Variants in ADCY3 observed in about 807,000 individuals in gnomAD.
ADCY3 encodes the protein adenylate cyclase 3, also known as adenylate cyclase type 3.
In ADCY3, 70 loss-of-function variants were observed where a neutral mutation model predicts 119.4. The ratio of observed to expected loss-of-function variants is 0.59; its 90% CI spans 0.48 to 0.72. ADCY3 has a LOEUF of 0.72. Ranked by LOEUF, ADCY3 falls within the 30% of genes least tolerant of loss-of-function variation. ADCY3 has a pLI of 0.00. For missense variants in ADCY3, 1,238 were observed against 1,541.6 expected, an observed-to-expected ratio of 0.80 and a Z score of 3.30; for synonymous variants, 672 against 621.4, an observed-to-expected ratio of 1.08 and a Z score of -1.21.
At chr2:24,881,502 C>T (rs1313068243) in intron 2 of ADCY3, among the ~76,000 whole-genome samples, 1 of 152,142 alleles carries the variant, frequency 6.6e-6, no homozygotes, top group Non-Finnish European at 1.5e-5. Flanking sequence ...CAAAGGAGAC[C>T]CCCCTACAGC....
At position 24,824,457 on chromosome 2, in the gene ADCY3, C is replaced by T. The variant is rs1402941862; in HGVS notation, c.2657G>A (p.Arg886His). 8 of 1,614,246 alleles carry T rather than the reference C, an allele frequency of 5.0e-6. No homozygotes were observed. The highest frequency in any genetic ancestry group is 5.9e-6 in the Non-Finnish European group (7 of 1,180,042). The change falls in exon 17 of 22, where the codon CGC (arginine) becomes CAC (histidine). Residue 886 changes from arginine (R) to histidine (H), a missense_variant. Physicochemically the swap from Arg to His is conservative, Grantham distance 29. Around this residue, in one of 7 missense-constraint regions of ADCY3, gnomAD observed 499 missense variants for 571.0 expected, o/e 0.87. Transcript: ENST00000679454. ...GTTGGTGACCAAGGCCTCGTTCCAG[C>T]GTCGCATCTCATAGACACGTTCCTT... ...DQKERVYEMR[R>H]WNEALVTNML... is the part of the protein sequence containing the mutation.
intron 3 of ADCY3, among the ~76,000 whole-genome samples, chr2:24,852,249 T>C (rs1376209926): frequency 6.6e-6 from 1 of 152,110 alleles, no homozygotes; most frequent in Admixed American, 6.5e-5. Flanking sequence ...AGCACCCCGG[T>C]CCGCTCCTCC....
chr2:24,821,047 A>ACCC (rs3214642), intron 20 of ADCY3, 199 bp from the exon 21 acceptor site: 13 of 533,478 alleles, frequency 2.4e-5, no homozygotes, highest in Middle Eastern at 5.2e-4. Flanking sequence ...GTCAGCCGCC[A>ACCC]CCCCCCCCCC....
chr2:24,887,935 G>A (rs944929299), intron 2 of ADCY3, among the ~76,000 whole-genome samples: 1 of 152,110 alleles, frequency 6.6e-6, no homozygotes, highest in African/African-American at 2.4e-5. Flanking sequence ...AATTCCCAAG[G>A]TTACTCCTGA....
intron 3 of ADCY3, among the ~76,000 whole-genome samples, chr2:24,844,987 A>G (rs770501315): frequency 6.6e-6 from 1 of 152,172 alleles, no homozygotes; most frequent in African/African-American, 2.4e-5. Context: ...TGGGTTTATC[A>G]GGAGTTTCTG....
At chr2:24,859,121 T>C (rs984303474) in intron 3 of ADCY3, among the ~76,000 whole-genome samples, 2 of 152,150 alleles carry the variant, frequency 1.3e-5, no homozygotes, top group Admixed American at 1.3e-4. Context: ...TTAGATATCT[T>C]TGTGGGTGGT....
chr2:24,904,031 C>A (rs1458416487), intron 2 of ADCY3, among the ~76,000 whole-genome samples: 1 of 152,126 alleles, frequency 6.6e-6, no homozygotes, highest in Non-Finnish European at 1.5e-5. Context: ...ATGTCTCCCA[C>A]CCACAACCAA....
At chr2:24,851,538 A>G (rs1357248721) in intron 3 of ADCY3, among the ~76,000 whole-genome samples, 1 of 152,206 alleles carries the variant, frequency 6.6e-6, no homozygotes, top group Non-Finnish European at 1.5e-5. Context: ...GTAGACCCTG[A>G]ACCCAGGGCT....
chr2:24,836,736 C>G (rs1008760753), intron 9 of ADCY3, among the ~76,000 whole-genome samples, 181 bp downstream of exon 9: 1 of 152,164 alleles, frequency 6.6e-6, no homozygotes, highest in South Asian at 2.1e-4. Flanking sequence ...GATGAGGAGA[C>G]AGTGGGGTTT....
chr2:24,821,483 C>A, intron 20 of ADCY3, 34 bp downstream of exon 20: 2 of 1,609,728 alleles, frequency 1.2e-6, no homozygotes, highest in Non-Finnish European at 1.7e-6. Context: ...GGGAAGGGAG[C>A]CTGCTGCGGG....
intron 3 of ADCY3, among the ~76,000 whole-genome samples, chr2:24,865,066 G>C (rs1477149942): frequency 6.6e-6 from 1 of 152,186 alleles, no homozygotes; most frequent in African/African-American, 2.4e-5. Flanking sequence ...TCTATGGAGA[G>C]CGCAACAAAA....
At chr2:24,820,668 C>T (rs1250086009) in intron 21 of ADCY3, 56 bp downstream of exon 21, 3 of 1,607,340 alleles carry the variant, frequency 1.9e-6, no homozygotes, top group African/African-American at 1.3e-5. Context: ...AAGCACTGTT[C>T]CGGTTTTGTT....
At chr2:24,916,692 G>A (rs945463738) in intron 2 of ADCY3, among the ~76,000 whole-genome samples, 6 of 151,768 alleles carry the variant, frequency 4.0e-5, no homozygotes, top group African/African-American at 1.5e-4. Flanking sequence ...AAAAAAAAAA[G>A]AACCTGGGAC....
At chr2:24,844,597 G>A (rs1329657418) in intron 3 of ADCY3, among the ~76,000 whole-genome samples, 1 of 152,152 alleles carries the variant, frequency 6.6e-6, no homozygotes, top group Non-Finnish European at 1.5e-5. Context: ...GAGCTGCCAA[G>A]AGGTCCCCAG....
intron 2 of ADCY3, among the ~76,000 whole-genome samples, chr2:24,904,663 T>C (rs958694637): frequency 6.6e-6 from 1 of 152,082 alleles, no homozygotes; most frequent in African/African-American, 2.4e-5. Context: ...TCTCTTTTTT[T>C]AAGACAGCAT....
chr2:24,905,360 C>T (rs1338679316), intron 2 of ADCY3, among the ~76,000 whole-genome samples: 4 of 152,028 alleles, frequency 2.6e-5, no homozygotes, highest in South Asian at 2.1e-4. Flanking sequence ...GGTCTTGATC[C>T]CCTGACCTCA....
At chr2:24,870,478 G>T (rs533313271) in intron 3 of ADCY3, among the ~76,000 whole-genome samples, 1 of 152,096 alleles carries the variant, frequency 6.6e-6, no homozygotes, top group Non-Finnish European at 1.5e-5. Flanking sequence ...TCTAGGCTCC[G>T]GCTGTGTGCC....
At chr2:24,828,186 G>A in intron 13 of ADCY3, 25 bp from the exon 14 acceptor site, 1 of 1,610,128 alleles carries the variant, frequency 6.2e-7, no homozygotes, top group Non-Finnish European at 8.5e-7. Flanking sequence ...GGCGGGCAGG[G>A]ACACACGTTC....
rs1235096815 is a variant in ADCY3, at chr2:24,919,185, C to A, written c.-197-1G>T. ...CACAGGTAGCACTGATCAGCTAGAA[C>A]TGAAAAGGGCATTGCTGAGTAGAAG... On this transcript the variant is annotated splice_acceptor_variant, in intron 1 of 21. Transcript: ENST00000679454. LOFTEE classifies it low-confidence loss of function (5UTR_SPLICE). The surrounding 1 kb of genome is among the most constrained non-coding windows in gnomAD (Gnocchi z 5.5). 1.2e-5 allele frequency: 7 copies of A among 597,998 alleles called. No homozygotes were observed. The highest frequency in any genetic ancestry group is 3.0e-5 in the Admixed American group (1 of 33,400). 37.0% of individuals were successfully genotyped at this position (597,998 alleles called of 1,614,324 possible). A position where few individuals can be genotyped will look rare whatever the true frequency, so the allele number is the denominator to read the frequency against.
Sources: gnomAD v4.1 joint callset for allele counts (sites outside exome capture counted in the v4.1 genomes callset) on GRCh38, gnomAD v4.1.1 for gene constraint, gnomAD v4.1.1 regional missense constraint, Gnocchi (gnomAD v3.1) non-coding constraint, MANE v1.5 for transcripts, NCBI Gene and HGNC (gene_info 2026-07-23, HGNC 2026-07-21) for gene names.